Variants in TAFA2 observed in about 807,000 individuals in gnomAD.
The protein encoded by TAFA2 is TAFA chemokine like family member 2, also known as chemokine-like protein TAFA-2.
TAFA2 carries 7 observed loss-of-function variants against 18.8 expected under a neutral mutation model. The ratio of observed to expected loss-of-function variants is 0.37; its 90% CI spans 0.21 to 0.70. The LOEUF (loss-of-function observed/expected upper bound fraction) is 0.70, where lower values mean the gene tolerates loss of function less well. Ranked by LOEUF, TAFA2 falls within the 30% of genes least tolerant of loss-of-function variation. TAFA2 has a pLI of 0.53. For synonymous variants in TAFA2, 60 were observed against 54.2 expected (o/e 1.11, Z -0.47); for missense variants, 122 against 158.1 (o/e 0.77, Z 1.23).
chr12:61,752,832 A>G (rs1869082787), intron 4 of TAFA2, among the ~76,000 whole-genome samples: 2 of 152,032 alleles, frequency 1.3e-5, no homozygotes, highest in African/African-American at 4.8e-5. Context: ...ATCAATTTAT[A>G]CCATTACTCT....
chr12:62,216,136 C>A (rs2062734970), intron 1 of TAFA2, among the ~76,000 whole-genome samples: 1 of 152,162 alleles, frequency 6.6e-6, no homozygotes, highest in Non-Finnish European at 1.5e-5. Context: ...TGTTAGAGAA[C>A]CAGCATATGG....
chr12:61,853,907 C>T (rs146528820), intron 2 of TAFA2, among the ~76,000 whole-genome samples: 480 of 152,286 alleles, frequency 3.2e-3, no homozygotes, highest in African/African-American at 9.1e-3. Flanking sequence ...TAACTGCTTT[C>T]ACCCCTCAGC....
chr12:62,182,255 G>GAGGAAAAATATGTTC (rs2062557524), intron 1 of TAFA2, among the ~76,000 whole-genome samples: 4 of 152,212 alleles, frequency 2.6e-5, no homozygotes, highest in Admixed American at 1.3e-4. Context: ...TTACGTATTG[G>GAGGAAAAATATGTTC]AGGAAAAATA....
intron 1 of TAFA2, among the ~76,000 whole-genome samples, chr12:62,157,974 A>T (rs112717593): frequency 1.6e-4 from 25 of 152,272 alleles, no homozygotes; most frequent in African/African-American, 6.0e-4. Flanking sequence ...TCAGGTGAAA[A>T]TTTACATATC....
At position 62,191,322 on chromosome 12, in the gene TAFA2, C is replaced by A. The variant is rs986191066; in HGVS notation, c.-65G>T. On this transcript the variant is annotated 5_prime_UTR_variant, in exon 1 of 5. Coordinates refer to ENST00000416284, the MANE Select transcript of TAFA2 (RefSeq NM_178539.5). ...TGCTCCTGCAGCTTTTGCGGGCCGG[C>A]GCCAGCCTTATCGCTCTCGCATCGC... The A allele has an allele frequency of 6.6e-6, 1 of 152,310 alleles. No individual in the cohort carries two copies. The highest frequency in any genetic ancestry group is 1.5e-5 in the Non-Finnish European group (1 of 68,108). The allele number at this position is 152,310 out of a possible 1,614,324, so 9.4% of individuals were successfully genotyped here.
intron 1 of TAFA2, among the ~76,000 whole-genome samples, chr12:62,052,448 TC>T (rs1882081965): frequency 6.6e-6 from 1 of 152,176 alleles, no homozygotes; most frequent in Non-Finnish European, 1.5e-5. Context: ...CGCCTTGGCC[TC>T]CCAAAGTGCT....
intron 1 of TAFA2, chr12:61,880,288 G>A (rs754694327): frequency 1.0e-5 from 5 of 478,126 alleles, no homozygotes; most frequent in Non-Finnish European, 2.1e-5. Flanking sequence ...CTGAGATCAA[G>A]GGCCTCAAAG....
intron 1 of TAFA2, among the ~76,000 whole-genome samples, chr12:61,906,950 A>G (rs1050932961): frequency 6.6e-6 from 1 of 152,240 alleles, no homozygotes; most frequent in African/African-American, 2.4e-5. Flanking sequence ...GCAGCAAAGC[A>G]TTCAAGAGCT....
intron 1 of TAFA2, among the ~76,000 whole-genome samples, chr12:62,114,123 G>C (rs1482928032): frequency 6.6e-6 from 1 of 152,210 alleles, no homozygotes; most frequent in East Asian, 1.9e-4. Context: ...TGGTAGTGTA[G>C]GTACCCAAGG....
chr12:62,148,978 A>T (rs1189670841), intron 1 of TAFA2, among the ~76,000 whole-genome samples: 1 of 152,172 alleles, frequency 6.6e-6, no homozygotes, highest in Non-Finnish European at 1.5e-5. Context: ...ACCTAGCATT[A>T]TAATCTTAGG....
intron 2 of TAFA2, among the ~76,000 whole-genome samples, chr12:61,851,818 A>AC (rs1873675268): frequency 1.7e-4 from 20 of 115,068 alleles, no homozygotes; most frequent in Non-Finnish European, 2.9e-4. Context: ...AAAAAAAAAA[A>AC]CATGTTCTAA....
chr12:61,907,834 G>A (rs890858228), intron 1 of TAFA2, among the ~76,000 whole-genome samples: 16 of 152,218 alleles, frequency 1.1e-4, no homozygotes, highest in African/African-American at 3.4e-4. Context: ...TGCCCTGGAT[G>A]TGAGACATGG....
At chr12:61,930,114 C>A (rs1877493515) in intron 1 of TAFA2, among the ~76,000 whole-genome samples, 3 of 151,634 alleles carry the variant, frequency 2.0e-5, no homozygotes, top group Admixed American at 6.6e-5. Flanking sequence ...ATGTAACAAG[C>A]CTACACGTTG....
intron 2 of TAFA2, among the ~76,000 whole-genome samples, chr12:61,845,855 A>G (rs141373174): frequency 6.6e-6 from 1 of 152,186 alleles, no homozygotes; most frequent in East Asian, 1.9e-4. Flanking sequence ...GTGTCCAAAC[A>G]TACCATATGG....
rs145751775 is a variant in TAFA2 at position 61,710,410 on chromosome 12, T to G, written c.392A>C (p.His131Pro). The G allele has an allele frequency of 9.0e-5, 144 of 1,608,344 alleles. 1 individual carries two copies. The African/African-American group carries it at 1.5e-3, about 17-fold the overall frequency. Reference sequence around the variant, plus strand: ...GATCACTTGATTTCTCCTGGGTTAATGGGTTACCTACAAAGGAAGGAGAAA... The same window carrying G: ...GATCACTTGATTTCTCCTGGGTTAAGGGGTTACCTACAAAGGAAGGAGAAA... ...GNKVKTTRVT[H>P] The change falls in exon 5 of 5, where the codon CAT (histidine) becomes CCT (proline). Residue 131 changes from histidine to proline, a missense_variant. His to Pro is a moderately conservative substitution (Grantham distance 77). Coordinates refer to ENST00000416284, the MANE Select transcript of TAFA2 (RefSeq NM_178539.5).
At chr12:61,752,780 T>C (rs1869080369) in intron 4 of TAFA2, among the ~76,000 whole-genome samples, 1 of 152,070 alleles carries the variant, frequency 6.6e-6, no homozygotes, top group East Asian at 1.9e-4. Context: ...AGTAGTATTG[T>C]AAATTAGCCA....
intron 1 of TAFA2, among the ~76,000 whole-genome samples, chr12:62,127,666 G>A (rs1870519915): frequency 6.6e-6 from 1 of 151,964 alleles, no homozygotes; most frequent in Admixed American, 6.6e-5. Context: ...ACAAGGGCTT[G>A]AGCAAGTTAT....
In TAFA2 at chr12:62,198,687, A is replaced by C. The variant is rs74470886; in HGVS notation, c.-130+60076T>G. On this transcript the variant is annotated intron_variant, in intron 1 of 5. Coordinates refer to the TAFA2 transcript ENST00000551619. Reference sequence around the variant, plus strand: ...TATCTTTTAAATGTTTTTTAAAAACATTTACAGAATATTTTCATGTAATCA... The same window carrying C: ...TATCTTTTAAATGTTTTTTAAAAACCTTTACAGAATATTTTCATGTAATCA... Among the ~76,000 whole-genome samples, 1,482 of 152,344 alleles carry C rather than the reference A, an allele frequency of 9.7e-3. 21 individuals are homozygous for C. The highest frequency in any genetic ancestry group is 0.029 in the African/African-American group (1,201 of 41,574).
intron 1 of TAFA2, among the ~76,000 whole-genome samples, chr12:62,014,883 A>G (rs1375608975): frequency 1.3e-5 from 2 of 152,196 alleles, no homozygotes; most frequent in Non-Finnish European, 2.9e-5. Flanking sequence ...AGTACCTTCA[A>G]TGATAGGACA....
Sources: gnomAD v4.1 joint callset for allele counts (sites outside exome capture counted in the v4.1 genomes callset) on GRCh38, gnomAD v4.1.1 for gene constraint, MANE v1.5 for transcripts, NCBI Gene and HGNC (gene_info 2026-07-23, HGNC 2026-07-21) for gene names.